MALRD1: variants seen among roughly 807,000 people sequenced by gnomAD.
MALRD1 encodes MAM and LDL receptor class A domain containing 1, also known as MAM and LDL-receptor class A domain-containing protein 1.
In MALRD1, 247 loss-of-function variants were observed where a neutral mutation model predicts 242.1. The ratio of observed to expected loss-of-function variants is 1.02; its 90% CI spans 0.92 to 1.13. The LOEUF (loss-of-function observed/expected upper bound fraction) is 1.13, where lower values mean the gene tolerates loss of function less well. Among genes scored for constraint, MALRD1 ranks in the 50% most tolerant of loss-of-function variants. The probability of loss-of-function intolerance (pLI) is 0.00; values close to 1 mark genes in which losing one functional copy is unlikely to be tolerated. For synonymous variants in MALRD1, 995 were observed against 866.6 expected (o/e 1.15, Z -2.60); for missense variants, 2,989 against 2,533.1 (o/e 1.18, Z -3.86).
rs1836152236 is a variant in MALRD1, at chr10:19,099,079, T to C, written c.598-4900T>C. On this transcript the variant is annotated intron_variant, in intron 4 of 39. Transcript: ENST00000454679. ...TGCCATGTTGCCCGTTTCTTTACTG[T>C]GCATGTGGTAATAAAAGGGAAGACG... 8.5e-5 allele frequency among the ~76,000 whole-genome samples: 13 copies of C among 152,294 alleles called. No homozygotes were observed. In the South Asian group the frequency reaches 2.5e-3, roughly 29 times the overall value.
intron 21 of MALRD1, among the ~76,000 whole-genome samples, chr10:19,323,323 C>T (rs1668274422): frequency 6.6e-6 from 1 of 152,006 alleles, no homozygotes; most frequent in South Asian, 2.1e-4. Flanking sequence ...TCATTTTATT[C>T]ACATTAAAAT....
intron 36 of MALRD1, among the ~76,000 whole-genome samples, chr10:19,648,631 C>T (rs1041040447): frequency 6.6e-6 from 1 of 152,080 alleles, no homozygotes; most frequent in African/African-American, 2.4e-5. Flanking sequence ...TACAAACTTA[C>T]AGAGATTCAG....
intron 13 of MALRD1, among the ~76,000 whole-genome samples, chr10:19,173,135 C>T (rs1242100120): frequency 1.3e-5 from 2 of 151,982 alleles, no homozygotes; most frequent in Non-Finnish European, 2.9e-5. Flanking sequence ...TTTTTACTTC[C>T]AGTCCATTTT....
chr10:19,289,505 A>T (rs1016916394), intron 21 of MALRD1, among the ~76,000 whole-genome samples: 1 of 152,200 alleles, frequency 6.6e-6, no homozygotes, highest in Admixed American at 6.5e-5. Context: ...TGGTCAGATA[A>T]TATTTAACAT....
At position 19,171,422 on chromosome 10, in the gene MALRD1, T is replaced by TTATATATA. The variant is rs1554803054; in HGVS notation, c.1831-3780_1831-3779insTATATATA. ...GGAATTGGTCACAACATTTTATATT[T>TTATATATA]TATATACATATATATATATATATAT... On this transcript the variant is annotated intron_variant, in intron 13 of 39. Transcript: ENST00000454679. Among the ~76,000 whole-genome samples, 91 of 36,260 alleles carry TTATATATA rather than the reference T, an allele frequency of 2.5e-3. 1 individual carries two copies. Among genetic ancestry groups the TTATATATA allele is most frequent in the African/African-American group, 5.3e-3 (68 of 12,716 alleles). The allele number at this position is 36,260 out of a possible 152,430, so 23.8% of individuals were successfully genotyped here.
intron 38 of MALRD1, among the ~76,000 whole-genome samples, chr10:19,694,657 C>T (rs1335790719): frequency 6.6e-6 from 1 of 152,164 alleles, no homozygotes; most frequent in African/African-American, 2.4e-5. Flanking sequence ...TTGTGGAAGA[C>T]AGTGTGGCAA....
At chr10:19,624,539 A>G (rs1839558064) in intron 36 of MALRD1, among the ~76,000 whole-genome samples, 1 of 152,082 alleles carries the variant, frequency 6.6e-6, no homozygotes, top group Admixed American at 6.6e-5. Flanking sequence ...CCTGTGGAGC[A>G]GATAATAGTA....
intron 34 of MALRD1, among the ~76,000 whole-genome samples, chr10:19,604,470 G>C (rs901650753): frequency 6.6e-5 from 10 of 152,180 alleles, no homozygotes; most frequent in Non-Finnish European, 1.2e-4. Context: ...GGAAGCTTTG[G>C]AAGAAAAGCT....
chr10:19,677,031 G>A (rs925551760), intron 36 of MALRD1, among the ~76,000 whole-genome samples: 1 of 152,230 alleles, frequency 6.6e-6, no homozygotes, highest in South Asian at 2.1e-4. Flanking sequence ...ATCCCATGGT[G>A]TATATGTACC....
rs544294507 is a variant in MALRD1 at position 19,561,536 on chromosome 10, G to T, written c.5479-5966G>T. 5.9e-5 allele frequency among the ~76,000 whole-genome samples: 9 copies of T among 152,280 alleles called. 1 individual carries two copies. In the South Asian group the frequency reaches 1.9e-3, roughly 32 times the overall value. ...TGTTGTTAGGTGCATACACATAAATGATTGCTACGTCTCTTGAACATTATA... is the reference window on the plus strand; with the variant it reads ...TGTTGTTAGGTGCATACACATAAATTATTGCTACGTCTCTTGAACATTATA... On this transcript the variant is annotated intron_variant, in intron 32 of 39. Coordinates refer to ENST00000454679, the MANE Select transcript of MALRD1 (RefSeq NM_001142308.3).
intron 28 of MALRD1, among the ~76,000 whole-genome samples, chr10:19,392,852 G>T (rs145895507): frequency 2.6e-5 from 4 of 152,084 alleles, no homozygotes; most frequent in African/African-American, 9.7e-5. Flanking sequence ...TTTGGTATGC[G>T]ATCAGAGGGT....
rs139831278 is a variant in MALRD1, at chr10:19,105,165, G to A, written c.694+1090G>A. Among the ~76,000 whole-genome samples, 1,049 of 151,878 alleles carry A rather than the reference G, an allele frequency of 6.9e-3. 11 individuals are homozygous for A. Among genetic ancestry groups the A allele is most frequent in the African/African-American group, 0.024 (1,006 of 41,460 alleles). On this transcript the variant is annotated intron_variant, in intron 5 of 39. Coordinates refer to ENST00000454679, the MANE Select transcript of MALRD1 (RefSeq NM_001142308.3). Reference sequence around the variant, plus strand: ...ATTGACCAGTTTCTATACACACACCGTCCATGCTATCCTCCCCAGCCTCTG... The same window carrying A: ...ATTGACCAGTTTCTATACACACACCATCCATGCTATCCTCCCCAGCCTCTG...
chr10:19,129,931 G>A (rs533572449), intron 8 of MALRD1, among the ~76,000 whole-genome samples: 3 of 146,436 alleles, frequency 2.0e-5, no homozygotes, highest in East Asian at 4.2e-4. Flanking sequence ...GTAGATATGT[G>A]GATGTGATAT....
At position 19,498,501 on chromosome 10, in the gene MALRD1, A is replaced by G; in HGVS notation, c.5175A>G (p.Thr1725=). Residue 1725 remains threonine (T), a synonymous_variant, in exon 31 of 40, where the codon ACA becomes ACG. Coordinates refer to ENST00000454679, the MANE Select transcript of MALRD1 (RefSeq NM_001142308.3). ...CTTCCCCAGCACATTATACAAGCAC[A>G]ACAGGAAGCTGCAATTTTGAAACAA... The part of the protein sequence containing the change: ...DEAHCAHYTS[T]TGSCNFETSS... 6.5e-7 allele frequency: 1 copy of G among 1,550,266 alleles called. No homozygotes were observed. The highest frequency in any genetic ancestry group is 8.7e-7 in the Non-Finnish European group (1 of 1,146,764).
chr10:19,459,160 A>G (rs1449216078), intron 29 of MALRD1, among the ~76,000 whole-genome samples: 2 of 152,136 alleles, frequency 1.3e-5, no homozygotes, highest in South Asian at 4.1e-4. Flanking sequence ...CAAGCTATCA[A>G]TCCTTTGCAG....
Position 19,352,158 on chromosome 10 carries a change from A to C in MALRD1, c.4302A>C (p.Glu1434Asp). 6.4e-7 allele frequency: 1 copy of C among 1,550,628 alleles called. No individual in the cohort carries two copies. The highest frequency in any genetic ancestry group is 8.7e-7 in the Non-Finnish European group (1 of 1,146,958). The change falls in exon 26 of 40, where the codon GAA (glutamate) becomes GAC (aspartate). Residue 1434 changes from glutamate (E) to aspartate (D), a missense_variant. Coordinates refer to ENST00000454679, the MANE Select transcript of MALRD1 (RefSeq NM_001142308.3). ...RREELSLFGD[E>D]DFQLKFEGRV... is the part of the protein sequence containing the mutation. ...AAGAACTGTCACTGTTTGGTGATGA[A>C]GACTTCCAACTCAAATTTGAAGGTA... is the stretch of plus-strand genomic sequence containing the variant.
chr10:19,228,606 G>A (rs554792935), intron 18 of MALRD1, among the ~76,000 whole-genome samples: 18 of 152,212 alleles, frequency 1.2e-4, no homozygotes, highest in African/African-American at 4.1e-4. Flanking sequence ...TGCAGAGCAG[G>A]AGTTATTTTT....
At position 19,498,527 on chromosome 10, in the gene MALRD1, G is replaced by T; in HGVS notation, c.5201G>T (p.Ser1734Ile). 1.9e-6 allele frequency: 3 copies of T among 1,550,328 alleles called. No homozygotes were observed. The highest frequency in any genetic ancestry group is 2.6e-6 in the Non-Finnish European group (3 of 1,146,846). ...ACAGGAAGCTGCAATTTTGAAACAA[G>T]TTCAGGAAACTGGACCACAGCCTGC... Reference protein sequence around the residue: ...STTGSCNFETSSGNWTTACSL... With the variant: ...STTGSCNFETISGNWTTACSL... Residue 1734 changes from serine (S) to isoleucine (I), a missense_variant, in exon 31 of 40, where the codon AGT (serine) becomes ATT (isoleucine). Coordinates refer to ENST00000454679, the MANE Select transcript of MALRD1 (RefSeq NM_001142308.3).
intron 26 of MALRD1, among the ~76,000 whole-genome samples, chr10:19,369,384 ATATATT>A (rs1326696027): frequency 4.9e-5 from 4 of 81,692 alleles, no homozygotes; most frequent in Non-Finnish European, 9.3e-5. Flanking sequence ...ACATATTGAA[ATATATT>A]TATATATAAA....
Sources: gnomAD v4.1 joint callset for allele counts (sites outside exome capture counted in the v4.1 genomes callset) on GRCh38, gnomAD v4.1.1 for gene constraint, MANE v1.5 for transcripts, NCBI Gene and HGNC (gene_info 2026-07-23, HGNC 2026-07-21) for gene names.